Variants in PXDN observed in about 807,000 individuals in gnomAD.
PXDN encodes peroxidasin, also known as peroxidasin homolog.
PXDN carries 77 observed loss-of-function variants against 140.3 expected under a neutral mutation model. That is an observed-to-expected ratio of 0.55 (90% CI 0.46 to 0.66). The LOEUF (loss-of-function observed/expected upper bound fraction) is 0.66. Ranked by LOEUF, PXDN falls within the 30% of genes least tolerant of loss-of-function variation. PXDN has a pLI of 0.00. For missense variants in PXDN, 1,838 were observed against 2,039.5 expected (o/e 0.90, Z 1.90); for synonymous variants, 911 against 857.4 (o/e 1.06, Z -1.09).
At chr2:1,679,980 GGT>G (rs1179693317) in intron 7 of PXDN, among the ~76,000 whole-genome samples, 6 of 145,140 alleles carry the variant, frequency 4.1e-5, no homozygotes, top group African/African-American at 1.5e-4. Context: ...GTCTGTAAAT[GGT>G]GTGTGTGTAA....
At chr2:1,653,321 G>A (rs1038234149) in intron 16 of PXDN, 2 of 394,230 alleles carry the variant, frequency 5.1e-6, no homozygotes, top group African/African-American at 2.1e-5. Context: ...TTGTTGCAGA[G>A]GGACTGGGCT....
chr2:1,653,375 A>G, intron 16 of PXDN: 1 of 523,456 alleles, frequency 1.9e-6, no homozygotes, highest in South Asian at 1.9e-5. Flanking sequence ...CACTCAGGGC[A>G]GGTGGACCTG....
chr2:1,668,591 T>TA (rs1228692890), intron 9 of PXDN, among the ~76,000 whole-genome samples: 2 of 119,122 alleles, frequency 1.7e-5, no homozygotes, highest in African/African-American at 6.4e-5. Flanking sequence ...ACAAGGAACT[T>TA]AAACAAATTT....
chr2:1,692,678 T>C, intron 2 of PXDN: 1 of 461,062 alleles, frequency 2.2e-6, no homozygotes, highest in Admixed American at 2.4e-5. Context: ...CTCACTTAAG[T>C]CCACTCCACA....
At chr2:1,731,464 A>G (rs545853974) in intron 1 of PXDN, among the ~76,000 whole-genome samples, 3 of 152,294 alleles carry the variant, frequency 2.0e-5, no homozygotes, top group Admixed American at 6.5e-5. Context: ...GAGAGCCTTC[A>G]CATAACCTCC....
chr2:1,701,664 T>C (rs1684436751), intron 1 of PXDN, among the ~76,000 whole-genome samples: 1 of 152,048 alleles, frequency 6.6e-6, no homozygotes, highest in East Asian at 1.9e-4. Flanking sequence ...CTGGGTCCAG[T>C]GGTAGTGCTC....
At chr2:1,724,568 G>T (rs960896079) in intron 1 of PXDN, among the ~76,000 whole-genome samples, 3 of 152,104 alleles carry the variant, frequency 2.0e-5, no homozygotes, top group Non-Finnish European at 4.4e-5. Flanking sequence ...TTTGCTTCAA[G>T]ACGGCACCAC....
In PXDN at chr2:1,658,058, CTCTCTCT is replaced by C. The variant is rs1558494341; in HGVS notation, c.1837+2816_1837+2822del. Among the ~76,000 whole-genome samples, 98 of 126,888 alleles carry C rather than the reference CTCTCTCT, an allele frequency of 7.7e-4. 6 individuals carry two copies. The highest frequency in any genetic ancestry group is 1.9e-3 in the African/African-American group (62 of 31,928). 83.2% of individuals were successfully genotyped at this position (126,888 alleles called of 152,430 possible). On this transcript the variant is annotated intron_variant, in intron 14 of 22. Coordinates refer to ENST00000252804, the MANE Select transcript of PXDN (RefSeq NM_012293.3). Reference sequence around the variant, plus strand: ...TCTCTCTCTCTCTCTCTCTCTCTCTCTCTCTCTCTCTCTCTCTCTCTCTCTCTCTCTC... The same window carrying C: ...TCTCTCTCTCTCTCTCTCTCTCTCTCCTCTCTCTCTCTCTCTCTCTCTCTC...
At chr2:1,725,293 G>A (rs1201425293) in intron 1 of PXDN, among the ~76,000 whole-genome samples, 1 of 152,090 alleles carries the variant, frequency 6.6e-6, no homozygotes, top group Non-Finnish European at 1.5e-5. Context: ...AATGAACAGA[G>A]GCAGGCAGCA....
chr2:1,697,194 C>T lies in PXDN; in HGVS notation c.201-4060G>A, dbSNP rs949726210. Among the ~76,000 whole-genome samples, 6 of 152,098 alleles carry T rather than the reference C, an allele frequency of 3.9e-5. No individual in the cohort carries two copies. The East Asian group carries it at 5.8e-4, about 15-fold the overall frequency. On this transcript the variant is annotated intron_variant, in intron 1 of 22. Transcript: ENST00000252804. ...GTAAAGTTTGGAAGTCATTGTTCTTCGGGAATGCTGAAGATATAACGCAAA... is the reference window on the plus strand; with the variant it reads ...GTAAAGTTTGGAAGTCATTGTTCTTTGGGAATGCTGAAGATATAACGCAAA...
intron 1 of PXDN, among the ~76,000 whole-genome samples, chr2:1,694,538 A>T (rs1419115444): frequency 6.6e-6 from 1 of 152,218 alleles, no homozygotes; most frequent in Non-Finnish European, 1.5e-5. Context: ...CCTCCTGGCC[A>T]TCATTCCACG....
intron 1 of PXDN, among the ~76,000 whole-genome samples, chr2:1,736,709 G>A (rs182366877): frequency 5.7e-4 from 87 of 152,166 alleles, no homozygotes; most frequent in African/African-American, 1.9e-3. Flanking sequence ...ATGGGGGCAC[G>A]TGCCTATAGT....
chr2:1,740,279 C>G (rs988706123), intron 1 of PXDN, among the ~76,000 whole-genome samples: 1 of 152,220 alleles, frequency 6.6e-6, no homozygotes, highest in Non-Finnish European at 1.5e-5. Context: ...ACCCTGTGAC[C>G]TCTATCTGCG....
At position 1,649,203 on chromosome 2, in the gene PXDN, A is replaced by C; in HGVS notation, c.2577T>G (p.Ser859=). 1 of 1,496,720 alleles carries C rather than the reference A, an allele frequency of 6.7e-7. No homozygotes were observed. The highest frequency in any genetic ancestry group is 1.1e-5 in the South Asian group (1 of 89,188). The allele number at this position is 1,496,720 out of a possible 1,614,324, so 92.7% of individuals were successfully genotyped here. The part of the protein sequence containing the change: ...NVCSNDPPCF[S]VMIPPNDSRA... Reference sequence around the variant, plus strand: ...GGGAGTCATTGGGGGGGATCATGACAGAGAAGCAGGGGGGGTCGTTGCTGC... The same window carrying C: ...GGGAGTCATTGGGGGGGATCATGACCGAGAAGCAGGGGGGGTCGTTGCTGC... Residue 859 remains serine, a synonymous_variant, in exon 17 of 23, where the codon TCT becomes TCG. Coordinates refer to ENST00000252804, the MANE Select transcript of PXDN (RefSeq NM_012293.3). This position sits in a 1 kb window ranked among gnomAD's most constrained non-coding sequence, Gnocchi z 7.1.
At chr2:1,690,648 C>CAAAAA (rs35970382) in intron 3 of PXDN, among the ~76,000 whole-genome samples, 2 of 68,636 alleles carry the variant, frequency 2.9e-5, no homozygotes, top group Non-Finnish European at 5.5e-5. Flanking sequence ...TTCAAAATAC[C>CAAAAA]AAAAAAAAAA....
intron 3 of PXDN, among the ~76,000 whole-genome samples, chr2:1,688,530 C>A (rs1684114067): frequency 6.6e-6 from 1 of 152,288 alleles, no homozygotes; most frequent in African/African-American, 2.4e-5. Context: ...GCGCATTGTG[C>A]CCACCCATCT....
chr2:1,719,867 T>C (rs1684978927), intron 1 of PXDN, among the ~76,000 whole-genome samples: 1 of 146,880 alleles, frequency 6.8e-6, no homozygotes, highest in African/African-American at 2.5e-5. Context: ...TGTGTGTGTG[T>C]GTGTGTGAAA....
At chr2:1,644,897 G>A (rs1338874854) in intron 17 of PXDN, 145 bp from the exon 18 acceptor site, 1 of 989,348 alleles carries the variant, frequency 1.0e-6, no homozygotes, top group African/African-American at 1.7e-5. Context: ...TTACTTCTTT[G>A]CTGCATCTCT....
Position 1,692,030 on chromosome 2 carries a change from A to G in PXDN, c.273-31T>C, listed in dbSNP as rs1684192768. ...AAAGAGAGTCGATAAGAATTTTAAA[A>G]AACAACAGAAAACAAACTTCGAAGT... On this transcript the variant is annotated intron_variant, in intron 2 of 22. Transcript: ENST00000252804. 5 of 1,403,550 alleles carry G rather than the reference A, an allele frequency of 3.6e-6. No individual in the cohort carries two copies. In the Admixed American group the frequency reaches 1.0e-4, roughly 28 times the overall value. The allele number at this position is 1,403,550 out of a possible 1,614,324, so 86.9% of individuals were successfully genotyped here. A position where few individuals can be genotyped will look rare whatever the true frequency, so the allele number is the denominator to read the frequency against.
Sources: gnomAD v4.1 joint callset for allele counts (sites outside exome capture counted in the v4.1 genomes callset) on GRCh38, gnomAD v4.1.1 for gene constraint, Gnocchi (gnomAD v3.1) non-coding constraint, MANE v1.5 for transcripts, NCBI Gene and HGNC (gene_info 2026-07-23, HGNC 2026-07-21) for gene names.